The following ITFG2 variants were observed in gnomAD, a reference collection of about 807,000 sequenced individuals.
ITFG2 encodes the protein KICSTOR complex protein ITFG2.
Under a neutral mutation model 54.4 loss-of-function variants are expected in ITFG2, and 36 were observed. That is an observed-to-expected ratio of 0.66 (90% CI 0.51 to 0.87). ITFG2 has a LOEUF of 0.87. Ranked by LOEUF, ITFG2 falls within the 40% of genes least tolerant of loss-of-function variation. ITFG2 has a pLI of 0.00. For synonymous variants in ITFG2, 211 were observed against 225.4 expected (o/e 0.94, Z 0.57); for missense variants, 524 against 576.7 (o/e 0.91, Z 0.94).
At chr12:2,846,540 G>A (rs184380656) in intron 2 of ITFG2, among the ~76,000 whole-genome samples, 13 of 152,142 alleles carry the variant, frequency 8.5e-5, no homozygotes, top group East Asian at 3.9e-4. Context: ...ACTTCTCGAC[G>A]GGCTTCACTT....
intron 1 of ITFG2, among the ~76,000 whole-genome samples, chr12:2,814,751 G>A (rs1041077050): frequency 1.2e-4 from 19 of 152,128 alleles, no homozygotes; most frequent in Non-Finnish European, 1.8e-4. Context: ...AGGATTACTT[G>A]AGCCTAGGAA....
At chr12:2,828,695 A>T (rs571110504), downstream of ITFG2, among the ~76,000 whole-genome samples, 8 of 152,274 alleles carry the variant, frequency 5.3e-5, no homozygotes, top group East Asian at 1.4e-3. Context: ...ATACAAAATT[A>T]GCTGGGTGTG....
chr12:2,813,898 C>T (rs898224777), intron 1 of ITFG2, among the ~76,000 whole-genome samples: 1 of 152,064 alleles, frequency 6.6e-6, no homozygotes, highest in Non-Finnish European at 1.5e-5. Context: ...TCATGAACTG[C>T]CAAGCAGTCC....
Position 2,859,268 on chromosome 12 carries a change from A to G in ITFG2, n.621-266A>G, listed in dbSNP as rs779761386. ...AGAAGAGCAGCTCCGGCTCATCCAC[A>G]CAGGGAGGCAGTAGATGCTGTTTTC... is the stretch of plus-strand genomic sequence containing the variant. On this transcript the variant is annotated intron_variant and non_coding_transcript_variant, in intron 3 of 3. Coordinates refer to the ITFG2 transcript ENST00000537710. 8 of 1,613,584 alleles carry G rather than the reference A, an allele frequency of 5.0e-6. No homozygotes were observed. In the South Asian group the frequency reaches 7.7e-5, roughly 16 times the overall value.
At chr12:2,859,304 GCTCCTCTCC>G in intron 3 of ITFG2, 2 of 1,613,252 alleles carry the variant, frequency 1.2e-6, no homozygotes, top group Non-Finnish European at 8.5e-7. Context: ...TCCGAGACCG[GCTCCTCTCC>G]CTCCTCTCCC....
At chr12:2,834,596 A>G (rs1364923974), upstream of ITFG2, 1 of 1,525,638 alleles carries the variant, frequency 6.6e-7, no homozygotes, top group Admixed American at 2.2e-5. Flanking sequence ...TGGGAAGTGG[A>G]AGGAAAAGGC....
downstream of ITFG2, chr12:2,828,035 C>T (rs199756500): frequency 1.5e-5 from 24 of 1,613,622 alleles, no homozygotes; most frequent in Non-Finnish European, 1.9e-5. Context: ...CTTTTAGGAC[C>T]CTTTTCTCTA....
intron 1 of ITFG2, among the ~76,000 whole-genome samples, chr12:2,814,445 C>T (rs1301239594): frequency 6.6e-6 from 1 of 151,898 alleles, no homozygotes; most frequent in East Asian, 1.9e-4. Flanking sequence ...TTTTTTTTCA[C>T]CTGAGTTGTA....
intron 2 of ITFG2, among the ~76,000 whole-genome samples, chr12:2,852,260 T>C (rs1259374107): frequency 6.6e-6 from 1 of 152,202 alleles, no homozygotes; most frequent in African/African-American, 2.4e-5. Context: ...CCTACTGTCA[T>C]GGAGATACCA....
chr12:2,849,522 G>T, intron 2 of ITFG2: 3 of 1,536,074 alleles, frequency 2.0e-6, no homozygotes, highest in Non-Finnish European at 2.6e-6. Context: ...ATATGTGCCG[G>T]TACCTGTTGG....
At chr12:2,842,538 C>A (rs1217713802) in intron 2 of ITFG2, among the ~76,000 whole-genome samples, 3 of 152,044 alleles carry the variant, frequency 2.0e-5, no homozygotes, top group Admixed American at 1.3e-4. Context: ...GAGTTTAAGA[C>A]CAGTGTGGGC....
downstream of ITFG2, chr12:2,827,943 C>T (rs1408580920): frequency 6.2e-6 from 10 of 1,614,062 alleles, no homozygotes; most frequent in African/African-American, 1.3e-5. This position sits in a 1 kb window ranked among gnomAD's most constrained non-coding sequence, Gnocchi z 4.0. Flanking sequence ...CTGTGCCGAG[C>T]ACACCACAGT....
intron 2 of ITFG2, chr12:2,857,992 A>G (rs557454552): frequency 6.5e-6 from 1 of 152,842 alleles, no homozygotes; most frequent in South Asian, 2.1e-4. Context: ...GACTTTTTTA[A>G]CCAGGATTTC....
chr12:2,812,882 C>T, intron 1 of ITFG2, 26 bp downstream of exon 1: 2 of 1,580,924 alleles, frequency 1.3e-6, no homozygotes, highest in East Asian at 2.3e-5. Flanking sequence ...CCGCAAGAGA[C>T]AGCCTGGATC....
chr12:2,855,129 G>A, intron 2 of ITFG2: 2 of 1,533,524 alleles, frequency 1.3e-6, no homozygotes, highest in South Asian at 2.4e-5. Context: ...GGGGGCATCT[G>A]TGGGCATTGG....
At chr12:2,850,475 CAA>C (rs1275655927) in intron 2 of ITFG2, among the ~76,000 whole-genome samples, 20 of 70,640 alleles carry the variant, frequency 2.8e-4, no homozygotes, top group Admixed American at 3.5e-4. Context: ...GACTCTGTCT[CAA>C]AAAAAAAAAA....
At chr12:2,846,036 G>T (rs751660295) in intron 2 of ITFG2, among the ~76,000 whole-genome samples, 1 of 152,144 alleles carries the variant, frequency 6.6e-6, no homozygotes, top group East Asian at 1.9e-4. Context: ...CCCCAGGCCC[G>T]GAAGGTCGCG....
chr12:2,819,757 G>GAA (rs112425431), intron 4 of ITFG2: 127 of 181,272 alleles, frequency 7.0e-4, no homozygotes, highest in South Asian at 1.5e-3. Context: ...AACATTTGGT[G>GAA]AAAAAAAAAA....
intron 2 of ITFG2, among the ~76,000 whole-genome samples, chr12:2,841,875 C>G (rs944334509): frequency 4.0e-5 from 6 of 151,296 alleles, no homozygotes; most frequent in Admixed American, 6.6e-5. Context: ...CCCGCCACCA[C>G]GCCCGGCTAA....
Sources: allele counts gnomAD v4.1 joint callset (sites outside exome capture counted in the v4.1 genomes callset), GRCh38; gene constraint gnomAD v4.1.1; non-coding constraint Gnocchi (gnomAD v3.1); transcripts MANE v1.5; gene names NCBI Gene and HGNC (gene_info 2026-07-23, HGNC 2026-07-21).